The following ENTPD1 variants were observed in gnomAD, a reference collection of about 807,000 sequenced individuals.
The protein encoded by ENTPD1 is ATP diphosphohydrolase.
In ENTPD1, 33 loss-of-function variants were observed where a neutral mutation model predicts 57.0. The ratio of observed to expected loss-of-function variants is 0.58; its 90% CI spans 0.44 to 0.77. The LOEUF (loss-of-function observed/expected upper bound fraction) is 0.77, where lower values mean the gene tolerates loss of function less well. Among genes scored for constraint, ENTPD1 ranks in the 30% least tolerant of loss-of-function variants. The pLI is 0.00. For missense variants in ENTPD1, 501 were observed against 603.4 expected, an observed-to-expected ratio of 0.83 and a Z score of 1.78; for synonymous variants, 202 against 218.8, an observed-to-expected ratio of 0.92 and a Z score of 0.68.
intron 1 of ENTPD1, among the ~76,000 whole-genome samples, chr10:95,732,697 G>A (rs563843751): frequency 1.5e-4 from 23 of 152,252 alleles, no homozygotes; most frequent in South Asian, 8.3e-4. Flanking sequence ...AGAAATAAAG[G>A]GAAAGAGTAC....
Position 95,847,487 on chromosome 10 carries a change from T to A in ENTPD1, c.855T>A (p.Pro285=). ...TTCTCAGGGACCCATGCTTTCATCCTGGATATAAGAAGGTAGTGAACGTAA... is the reference window on the plus strand; with the variant it reads ...TTCTCAGGGACCCATGCTTTCATCCAGGATATAAGAAGGTAGTGAACGTAA... The part of the protein sequence containing the change: ...NEILRDPCFH[P]GYKKVVNVSD... The change falls in exon 7 of 10, where the codon CCT becomes CCA. Residue 285 remains proline, a synonymous_variant. Coordinates refer to ENST00000371205, the MANE Select transcript of ENTPD1 (RefSeq NM_001776.6). 6.2e-7 allele frequency: 1 copy of A among 1,614,198 alleles called. No homozygotes were observed. The highest frequency in any genetic ancestry group is 8.5e-7 in the Non-Finnish European group (1 of 1,180,040).
chr10:95,855,612 G>A (rs2098453165), intron 7 of ENTPD1, among the ~76,000 whole-genome samples: 1 of 152,136 alleles, frequency 6.6e-6, no homozygotes, highest in Admixed American at 6.6e-5. Flanking sequence ...TCCTTCAGGA[G>A]CTCTTTTAGG....
At chr10:95,725,091 A>G (rs1457426697) in intron 1 of ENTPD1, among the ~76,000 whole-genome samples, 1 of 150,928 alleles carries the variant, frequency 6.6e-6, no homozygotes, top group Non-Finnish European at 1.5e-5. Context: ...ATATATTGTT[A>G]AATTAACTGA....
intron 1 of ENTPD1, among the ~76,000 whole-genome samples, chr10:95,729,384 G>C (rs372159954): frequency 6.6e-6 from 1 of 152,152 alleles, no homozygotes; most frequent in Non-Finnish European, 1.5e-5. Flanking sequence ...GTTTCCTGGA[G>C]TAGTCAGTCT....
chr10:95,843,936 G>C (rs2098427843), intron 4 of ENTPD1, among the ~76,000 whole-genome samples: 2 of 152,144 alleles, frequency 1.3e-5, no homozygotes, highest in South Asian at 4.1e-4. Context: ...GTCTCAAACA[G>C]ACCCAAGAAC....
intron 1 of ENTPD1, among the ~76,000 whole-genome samples, chr10:95,804,672 C>T (rs931763914): frequency 2.0e-5 from 3 of 152,114 alleles, no homozygotes; most frequent in African/African-American, 7.2e-5. Context: ...ATTGATACTT[C>T]TTTCTCTGGC....
At chr10:95,852,250 G>T (rs905414998) in intron 7 of ENTPD1, among the ~76,000 whole-genome samples, 1 of 152,144 alleles carries the variant, frequency 6.6e-6, no homozygotes, top group African/African-American at 2.4e-5. Context: ...GTCTATTCAG[G>T]TCCTTCGCCC....
Position 95,860,583 on chromosome 10 carries a change from G to T in ENTPD1, c.1188+1G>T. On this transcript the variant is annotated splice_donor_variant, in intron 8 of 9. Transcript: ENST00000371205. LOFTEE classifies it high-confidence loss of function. ...GTTCTGTGCTCAGCCTTGGGAGGAGGTAAGTGACTAGGCACAGCAGCTCTA... is the reference window on the plus strand; with the variant it reads ...GTTCTGTGCTCAGCCTTGGGAGGAGTTAAGTGACTAGGCACAGCAGCTCTA... 1.9e-6 allele frequency: 3 copies of T among 1,612,776 alleles called. No homozygotes were observed. Among genetic ancestry groups the T allele is most frequent in the Non-Finnish European group, 2.5e-6 (3 of 1,179,016 alleles).
intron 1 of ENTPD1, among the ~76,000 whole-genome samples, chr10:95,765,152 G>T (rs988898831): frequency 6.6e-6 from 1 of 152,026 alleles, no homozygotes; most frequent in African/African-American, 2.4e-5. Context: ...TCACTTTCTT[G>T]ATAGTGTTGT....
At chr10:95,698,980 C>T in the ENTPD1 span, among the ~76,000 whole-genome samples, 1 of 151,962 alleles carries the variant, frequency 6.6e-6, no homozygotes, top group Non-Finnish European at 1.5e-5. Flanking sequence ...AAAGAAAAAA[C>T]CCAGCAAACA....
intron 7 of ENTPD1, among the ~76,000 whole-genome samples, chr10:95,851,479 T>C (rs1415381283): frequency 6.6e-6 from 1 of 152,036 alleles, no homozygotes; most frequent in Non-Finnish European, 1.5e-5. Context: ...GTACACAACA[T>C]GCAGGTTTGT....
chr10:95,830,127 G>A (rs2098391802), intron 2 of ENTPD1, among the ~76,000 whole-genome samples: 1 of 152,178 alleles, frequency 6.6e-6, no homozygotes, highest in Non-Finnish European at 1.5e-5. Context: ...CCAGTATCAA[G>A]TATTCAGTGA....
the ENTPD1 span, among the ~76,000 whole-genome samples, chr10:95,700,396 T>C: frequency 2.0e-5 from 3 of 152,106 alleles, no homozygotes; most frequent in Non-Finnish European, 4.4e-5. Flanking sequence ...AAGGAAATAT[T>C]AGGAACTCAC....
intron 1 of ENTPD1, among the ~76,000 whole-genome samples, chr10:95,789,594 C>G (rs2098194690): frequency 6.6e-6 from 1 of 151,810 alleles, no homozygotes; most frequent in Non-Finnish European, 1.5e-5. Context: ...ACCATATAGC[C>G]TAGAAATACT....
chr10:95,868,615 C>A lies in ENTPD1; in HGVS notation c.*2232C>A. On this transcript the variant is annotated 3_prime_UTR_variant, in exon 10 of 10. Transcript: ENST00000371205. ...TGCACACAATCTATTCTGACCCTCACAACAACCCATAAGGGTGTAAATAGT... is the reference window on the plus strand; with the variant it reads ...TGCACACAATCTATTCTGACCCTCAAAACAACCCATAAGGGTGTAAATAGT... 2 of 984,422 alleles carry A rather than the reference C, an allele frequency of 2.0e-6. No homozygotes were observed. Among genetic ancestry groups the A allele is most frequent in the Non-Finnish European group, 1.2e-6 (1 of 829,016 alleles). The allele number at this position is 984,422 out of a possible 1,614,324, so 61.0% of individuals were successfully genotyped here.
intron 1 of ENTPD1, among the ~76,000 whole-genome samples, chr10:95,819,164 ATTTG>A (rs911604529): frequency 2.2e-4 from 33 of 152,178 alleles, no homozygotes; most frequent in Middle Eastern, 3.4e-3. Context: ...AAATTAAATA[ATTTG>A]TTTGTTTGTT....
chr10:95,783,021 G>GTGTT (rs2098164049), intron 1 of ENTPD1, among the ~76,000 whole-genome samples: 1 of 151,826 alleles, frequency 6.6e-6, no homozygotes, highest in South Asian at 2.1e-4. Flanking sequence ...AATGGAAGCG[G>GTGTT]TGTGTGTGTG....
intron 1 of ENTPD1, among the ~76,000 whole-genome samples, chr10:95,773,951 C>T (rs2098124578): frequency 1.3e-5 from 2 of 152,224 alleles, no homozygotes; most frequent in Non-Finnish European, 2.9e-5. Flanking sequence ...CTCCCACCAA[C>T]AGTGTAAAAG....
chr10:95,721,496 T>G (rs1249454696), intron 1 of ENTPD1, among the ~76,000 whole-genome samples: 2 of 152,212 alleles, frequency 1.3e-5, no homozygotes, highest in Non-Finnish European at 2.9e-5. Flanking sequence ...TTTCTCCATG[T>G]CAGATTAAAG....
Sources: gnomAD v4.1 joint callset for allele counts (sites outside exome capture counted in the v4.1 genomes callset) on GRCh38, gnomAD v4.1.1 for gene constraint, MANE v1.5 for transcripts, NCBI Gene and HGNC (gene_info 2026-07-23, HGNC 2026-07-21) for gene names.